The following MCPH1 variants were observed in gnomAD, a reference collection of about 807,000 sequenced individuals.
MCPH1 encodes microcephalin 1, also known as microcephalin.
MCPH1 carries 104 observed loss-of-function variants against 84.5 expected under a neutral mutation model. The observed-to-expected ratio is 1.23, with a 90% CI of 1.05 to 1.45. The LOEUF (loss-of-function observed/expected upper bound fraction) is 1.45, where lower values mean the gene tolerates loss of function less well. Ranked by LOEUF, MCPH1 falls within the 40% of genes most tolerant of loss-of-function variation. MCPH1 has a pLI of 0.00. For missense variants in MCPH1, 1,498 were observed against 1,005.7 expected (o/e 1.49, Z -6.62); for synonymous variants, 514 against 366.8 (o/e 1.40, Z -4.58).
At position 6,535,928 on chromosome 8, in the gene MCPH1, G is replaced by A. The variant is rs149745314; in HGVS notation, c.2214+35999G>A. Among the ~76,000 whole-genome samples the A allele has an allele frequency of 2.3e-3, 344 of 151,978 alleles. 2 individuals are homozygous for A. The highest frequency in any genetic ancestry group is 7.7e-3 in the African/African-American group (318 of 41,452). ...AAAAATTAGCTTGGCCTGGTAGTGC[G>A]AGCCTGTAGTCTCAGGTACTGGGGA... is the stretch of plus-strand genomic sequence containing the variant. On this transcript the variant is annotated intron_variant, in intron 12 of 13. Coordinates refer to ENST00000344683, the MANE Select transcript of MCPH1 (RefSeq NM_024596.5).
chr8:6,514,059 A>AT (rs1815734220), intron 12 of MCPH1, among the ~76,000 whole-genome samples: 1 of 152,192 alleles, frequency 6.6e-6, no homozygotes, highest in Non-Finnish European at 1.5e-5. Flanking sequence ...TTGTATTAGG[A>AT]TAATGAGAAC....
At chr8:6,527,505 T>A in intron 12 of MCPH1, 1 of 1,587,350 alleles carries the variant, frequency 6.3e-7, no homozygotes, top group Non-Finnish European at 8.6e-7. Flanking sequence ...GACTTTCATA[T>A]CTGGAAAGTG....
intron 12 of MCPH1, among the ~76,000 whole-genome samples, chr8:6,577,766 A>G (rs1429334126): frequency 6.6e-6 from 1 of 152,238 alleles, no homozygotes; most frequent in Non-Finnish European, 1.5e-5. Flanking sequence ...TGCTACTTGT[A>G]CAAGAGATAC....
At chr8:6,508,555 A>C in intron 12 of MCPH1, 2 of 369,914 alleles carry the variant, frequency 5.4e-6, no homozygotes, top group Non-Finnish European at 9.5e-6. Flanking sequence ...TCTATAATCT[A>C]TATTACTGTT....
chr8:6,412,509 A>C (rs1196690956), intron 2 of MCPH1, among the ~76,000 whole-genome samples: 1 of 152,234 alleles, frequency 6.6e-6, no homozygotes, highest in African/African-American at 2.4e-5. Context: ...AGCCAATTTC[A>C]GGATTTGAGA....
At chr8:6,467,820 A>G (rs1464882964) in intron 9 of MCPH1, among the ~76,000 whole-genome samples, 3 of 151,720 alleles carry the variant, frequency 2.0e-5, no homozygotes, top group African/African-American at 7.3e-5. Context: ...CTGGTCTTGA[A>G]CTCTTGGCCT....
rs184728291 is a variant in MCPH1, at chr8:6,602,548, T to C, written c.2215-18906T>C. On this transcript the variant is annotated intron_variant, in intron 12 of 13. Transcript: ENST00000344683. ...CTGAGTGGCGGCGGCTGGGCTGTGCTCTCCCACTCAGAGAGCCTTCCCCAA... is the reference window on the plus strand; with the variant it reads ...CTGAGTGGCGGCGGCTGGGCTGTGCCCTCCCACTCAGAGAGCCTTCCCCAA... Among the ~76,000 whole-genome samples, 213 of 152,130 alleles carry C rather than the reference T, an allele frequency of 1.4e-3. 2 individuals carry two copies. Among genetic ancestry groups the C allele is most frequent in the African/African-American group, 4.8e-3 (197 of 41,468 alleles).
chr8:6,544,452 A>G (rs1235335805), intron 12 of MCPH1, among the ~76,000 whole-genome samples: 1 of 152,218 alleles, frequency 6.6e-6, no homozygotes, highest in Non-Finnish European at 1.5e-5. Flanking sequence ...CTAACCCAAA[A>G]TAAGAGAGTA....
intron 12 of MCPH1, among the ~76,000 whole-genome samples, chr8:6,591,572 C>A (rs1156926074): frequency 6.6e-6 from 1 of 152,210 alleles, no homozygotes; most frequent in South Asian, 2.1e-4. Flanking sequence ...CCTAAGAGCA[C>A]TTTAGAAATA....
chr8:6,518,643 T>C (rs974195320), intron 12 of MCPH1, among the ~76,000 whole-genome samples: 1 of 152,224 alleles, frequency 6.6e-6, no homozygotes, highest in African/African-American at 2.4e-5. Context: ...TTTTAAATAC[T>C]TAGGATAATA....
intron 11 of MCPH1, among the ~76,000 whole-genome samples, chr8:6,489,468 C>A (rs578170900): frequency 6.6e-6 from 1 of 152,108 alleles, no homozygotes; most frequent in Non-Finnish European, 1.5e-5. Context: ...AGACAGAAGC[C>A]ACTGTTTGAT....
At chr8:6,436,006 C>G (rs1346229009) in intron 4 of MCPH1, 42 bp from the exon 5 acceptor site, 2 of 1,607,586 alleles carry the variant, frequency 1.2e-6, no homozygotes, top group Non-Finnish European at 1.7e-6. Flanking sequence ...CTGCCTTAAG[C>G]AGTTGCAGTA....
intron 12 of MCPH1, among the ~76,000 whole-genome samples, chr8:6,533,958 G>C (rs1820015026): frequency 6.6e-6 from 1 of 152,134 alleles, no homozygotes; most frequent in Admixed American, 6.6e-5. Flanking sequence ...GTATCAGATG[G>C]TTTTAGGATT....
In MCPH1 at chr8:6,562,619, C is replaced by A. The variant is rs533029082; in HGVS notation, c.2215-58835C>A. 6 of 1,242,762 alleles carry A rather than the reference C, an allele frequency of 4.8e-6. No individual in the cohort carries two copies. The African/African-American group carries it at 5.2e-5, about 11-fold the overall frequency. 77.0% of individuals were successfully genotyped at this position (1,242,762 alleles called of 1,614,324 possible). Reference sequence around the variant, plus strand: ...GCCAAGCTGATCTTAATAGCATGTTCACAAAGACAGATGGATTTTTTTCCT... The same window carrying A: ...GCCAAGCTGATCTTAATAGCATGTTAACAAAGACAGATGGATTTTTTTCCT... On this transcript the variant is annotated intron_variant, in intron 12 of 13. Transcript: ENST00000344683.
chr8:6,574,182 G>C (rs373910270), intron 12 of MCPH1, among the ~76,000 whole-genome samples: 6 of 152,284 alleles, frequency 3.9e-5, no homozygotes, highest in African/African-American at 1.4e-4. Context: ...GCCACAAACC[G>C]GGTGCCTAAA....
Position 6,550,240 on chromosome 8 carries a change from C to T in MCPH1, c.2214+50311C>T, listed in dbSNP as rs138411108. Among the ~76,000 whole-genome samples the T allele has an allele frequency of 4.6e-5, 7 of 152,352 alleles. No individual in the cohort carries two copies. The East Asian group carries it at 7.7e-4, about 17-fold the overall frequency. ...ACCGCTAGGTGGCTGCGAAGGGTGG[C>T]GGCGTCACTGATGCGCAGCTCAGGC... On this transcript the variant is annotated intron_variant, in intron 12 of 13. Transcript: ENST00000344683.
At chr8:6,601,659 G>C (rs73511012) in intron 12 of MCPH1, among the ~76,000 whole-genome samples, 1,661 of 139,664 alleles carry the variant, frequency 0.012, 78 homozygotes, top group African/African-American at 0.05. Flanking sequence ...ACACAACACA[G>C]ACATTAAATA....
intron 13 of MCPH1, among the ~76,000 whole-genome samples, chr8:6,627,667 G>T (rs748045732): frequency 1.3e-5 from 2 of 152,148 alleles, no homozygotes; most frequent in African/African-American, 2.4e-5. Flanking sequence ...GAGGCGGGTG[G>T]GTCGTTTGAG....
At chr8:6,614,695 A>G (rs1381265722) in intron 12 of MCPH1, among the ~76,000 whole-genome samples, 1 of 152,154 alleles carries the variant, frequency 6.6e-6, no homozygotes, top group African/African-American at 2.4e-5. Context: ...GGGGGCAAAA[A>G]AGATGGATTA....
Sources: gnomAD v4.1 joint callset for allele counts (sites outside exome capture counted in the v4.1 genomes callset) on GRCh38, gnomAD v4.1.1 for gene constraint, MANE v1.5 for transcripts, NCBI Gene and HGNC (gene_info 2026-07-23, HGNC 2026-07-21) for gene names.